The following COMMD1 variants were observed in gnomAD, a reference collection of about 807,000 sequenced individuals.
COMMD1 encodes copper metabolism domain containing 1.
A neutral mutation model predicts 17.2 loss-of-function variants in COMMD1; 10 were observed. The observed-to-expected ratio is 0.58, with a 90% CI of 0.36 to 0.99. The LOEUF is 0.99. Ranked by LOEUF, COMMD1 falls within the 50% of genes least tolerant of loss-of-function variation. COMMD1 has a pLI of 0.01. For synonymous variants in COMMD1, 97 were observed against 91.6 expected (o/e 1.06, Z -0.34); for missense variants, 270 against 231.8 (o/e 1.17, Z -1.07).
At chr2:61,968,122 C>T (rs1671552351) in intron 1 of COMMD1, among the ~76,000 whole-genome samples, 1 of 152,012 alleles carries the variant, frequency 6.6e-6, no homozygotes, top group African/African-American at 2.4e-5. Flanking sequence ...GATTGTGCCA[C>T]TGCACTCCTG....
At chr2:61,976,261 A>C (rs1372526959) in intron 1 of COMMD1, among the ~76,000 whole-genome samples, 1 of 152,022 alleles carries the variant, frequency 6.6e-6, no homozygotes, top group Non-Finnish European at 1.5e-5. Context: ...TACCCAACTA[A>C]CTATATGTTG....
intron 2 of COMMD1, among the ~76,000 whole-genome samples, chr2:62,123,853 C>T (rs1671909113): frequency 6.6e-6 from 1 of 151,924 alleles, no homozygotes; most frequent in Admixed American, 6.5e-5. Flanking sequence ...TTAATGACCT[C>T]TCCTGGGAGT....
chr2:62,068,651 G>A (rs561499872), intron 2 of COMMD1, among the ~76,000 whole-genome samples: 143 of 127,874 alleles, frequency 1.1e-3, no homozygotes, highest in Non-Finnish European at 1.9e-3. Flanking sequence ...TTTTGACCGA[G>A]TCTCACTCTG....
At chr2:61,976,528 G>T (rs1420757260) in intron 1 of COMMD1, among the ~76,000 whole-genome samples, 1 of 152,150 alleles carries the variant, frequency 6.6e-6, no homozygotes, top group Non-Finnish European at 1.5e-5. Context: ...AAAACTGATA[G>T]AACTGCAAGG....
At chr2:61,901,102 G>A (rs373759611), upstream of COMMD1, among the ~76,000 whole-genome samples, 81 of 151,742 alleles carry the variant, frequency 5.3e-4, 1 homozygote, top group East Asian at 9.0e-3. Context: ...ACCTGCCACC[G>A]CACCCAGCTA....
chr2:62,100,554 G>A (rs1360676147), intron 2 of COMMD1, among the ~76,000 whole-genome samples: 4 of 152,140 alleles, frequency 2.6e-5, no homozygotes, highest in African/African-American at 7.2e-5. Flanking sequence ...GGCAGGAGGC[G>A]GGGAAGGGGA....
chr2:61,958,391 C>T (rs746319741), intron 1 of COMMD1, among the ~76,000 whole-genome samples: 2 of 152,078 alleles, frequency 1.3e-5, no homozygotes, highest in African/African-American at 2.4e-5. Context: ...CTCAGCCTCC[C>T]GAGTAGCTGG....
intron 2 of COMMD1, among the ~76,000 whole-genome samples, chr2:62,011,847 G>A (rs527996211): frequency 1.3e-5 from 2 of 152,242 alleles, no homozygotes; most frequent in East Asian, 1.9e-4. Context: ...TTCCAACATC[G>A]TAAACTCTGT....
At chr2:62,063,390 C>T (rs1475467429) in intron 2 of COMMD1, among the ~76,000 whole-genome samples, 1 of 152,056 alleles carries the variant, frequency 6.6e-6, no homozygotes, top group Non-Finnish European at 1.5e-5. Flanking sequence ...CAGGGTTTCA[C>T]CCTGTTAGCC....
intron 2 of COMMD1, among the ~76,000 whole-genome samples, chr2:62,098,151 T>C (rs2104013821): frequency 6.6e-6 from 1 of 150,494 alleles, no homozygotes. Context: ...ACTGTTTCCT[T>C]TCCTTTCTTT....
At chr2:61,978,788 A>G (rs1671871744) in intron 1 of COMMD1, among the ~76,000 whole-genome samples, 1 of 152,178 alleles carries the variant, frequency 6.6e-6, no homozygotes, top group African/African-American at 2.4e-5. Flanking sequence ...AAGAGAGACA[A>G]AGGGGAAGTT....
intron 1 of COMMD1, among the ~76,000 whole-genome samples, chr2:61,972,084 C>T (rs530788315): frequency 6.6e-6 from 1 of 152,158 alleles, no homozygotes; most frequent in South Asian, 2.1e-4. Context: ...TGTGCCACTG[C>T]ACGCCAGCCT....
intron 1 of COMMD1, among the ~76,000 whole-genome samples, chr2:61,961,043 A>T (rs982670968): frequency 5.9e-5 from 9 of 152,112 alleles, no homozygotes; most frequent in Non-Finnish European, 1.3e-4. Flanking sequence ...CCCACGAGGG[A>T]GGGCAAGAGA....
At chr2:61,975,345 G>C (rs986919801) in intron 1 of COMMD1, among the ~76,000 whole-genome samples, 2 of 151,964 alleles carry the variant, frequency 1.3e-5, no homozygotes, top group African/African-American at 2.4e-5. Context: ...GTTTTTGTGT[G>C]GATGTAATTT....
chr2:62,109,919 C>CT (rs11345736), intron 2 of COMMD1, among the ~76,000 whole-genome samples: 7,891 of 73,916 alleles, frequency 0.11, 433 homozygotes, highest in African/African-American at 0.22. Context: ...TTATCTTGAT[C>CT]TTTTTTTTTT....
chr2:61,978,205 T>C (rs1486148019), intron 1 of COMMD1, among the ~76,000 whole-genome samples: 1 of 152,190 alleles, frequency 6.6e-6, no homozygotes, highest in Non-Finnish European at 1.5e-5. Context: ...TTTGTTGTAA[T>C]CACCAAGCCT....
At chr2:62,029,022 CTAGAATTCTATT>C (rs1669843800) in intron 2 of COMMD1, among the ~76,000 whole-genome samples, 1 of 152,038 alleles carries the variant, frequency 6.6e-6, no homozygotes, top group Admixed American at 6.6e-5. Context: ...CAAAGGGATG[CTAGAATTCTATT>C]TAGCTACCAT....
intron 2 of COMMD1, among the ~76,000 whole-genome samples, chr2:62,113,274 C>T (rs1672502768): frequency 6.6e-6 from 1 of 151,998 alleles, no homozygotes; most frequent in African/African-American, 2.4e-5. Context: ...ATTACTTGAG[C>T]CCAGGAGATC....
intron 2 of COMMD1, among the ~76,000 whole-genome samples, chr2:62,109,416 CTCTTT>C (rs1423620895): frequency 2.0e-5 from 3 of 152,198 alleles, no homozygotes; most frequent in African/African-American, 4.8e-5. Context: ...CCCATCTCTT[CTCTTT>C]TGAGTCTTCT....
Sources: gnomAD v4.1 joint callset for allele counts (sites outside exome capture counted in the v4.1 genomes callset) on GRCh38, gnomAD v4.1.1 for gene constraint, MANE v1.5 for transcripts, NCBI Gene and HGNC (gene_info 2026-07-23, HGNC 2026-07-21) for gene names.